SEC14L4: variants seen among roughly 807,000 people sequenced by gnomAD.
SEC14L4 encodes SEC14-like protein 4.
In SEC14L4, 42 loss-of-function variants were observed where a neutral mutation model predicts 55.1. That is an observed-to-expected ratio of 0.76 (90% CI 0.60 to 0.99). The LOEUF is 0.99. Among genes scored for constraint, SEC14L4 ranks in the 50% least tolerant of loss-of-function variants. The pLI, the probability that SEC14L4 is intolerant of heterozygous loss-of-function variation, is 0.00. For missense variants in SEC14L4, 445 were observed against 512.1 expected, an observed-to-expected ratio of 0.87 and a Z score of 1.27; for synonymous variants, 206 against 206.8, an observed-to-expected ratio of 1.00 and a Z score of 0.03.
At chr22:30,504,749 C>G (rs571840319) in intron 1 of SEC14L4, among the ~76,000 whole-genome samples, 1 of 152,294 alleles carries the variant, frequency 6.6e-6, no homozygotes, top group East Asian at 1.9e-4. Context: ...GAGGAGATCT[C>G]ACTTCCCTGG....
Position 30,494,981 on chromosome 22 carries a change from A to G in SEC14L4, c.424-20T>C, listed in dbSNP as rs772777290. On this transcript the variant is annotated intron_variant, in intron 5 of 11. Coordinates refer to ENST00000255858, the MANE Select transcript of SEC14L4 (RefSeq NM_174977.4). ...GCCCAGCTGCTTGGGACAGAGTCAT[A>G]TAGGTCAGACGACAGCTCCAGCCAG... 6.2e-7 allele frequency: 1 copy of G among 1,606,514 alleles called. No homozygotes were observed. The highest frequency in any genetic ancestry group is 1.1e-5 in the South Asian group (1 of 90,892).
At chr22:30,496,104 A>C in intron 2 of SEC14L4, 133 bp from the exon 3 acceptor site, 1 of 666,580 alleles carries the variant, frequency 1.5e-6, no homozygotes, top group Non-Finnish European at 2.6e-6. Context: ...AACATCTAGA[A>C]ATGGTTGTTT....
At chr22:30,492,758 T>C (rs1195067592) in intron 7 of SEC14L4, 7 of 566,464 alleles carry the variant, frequency 1.2e-5, no homozygotes, top group Non-Finnish European at 2.2e-5. Context: ...AATGTATGTA[T>C]AACACCTGGC....
intron 1 of SEC14L4, among the ~76,000 whole-genome samples, chr22:30,505,076 G>T (rs924932629): frequency 2.1e-5 from 3 of 144,458 alleles, no homozygotes; most frequent in African/African-American, 7.7e-5. Flanking sequence ...AGGTTGCAGT[G>T]AACCGAGATT....
intron 2 of SEC14L4, among the ~76,000 whole-genome samples, chr22:30,497,148 G>A (rs1466640871): frequency 6.6e-6 from 1 of 152,124 alleles, no homozygotes; most frequent in Non-Finnish European, 1.5e-5. Context: ...AGACCAGCCT[G>A]GGCAATATGG....
intron 2 of SEC14L4, among the ~76,000 whole-genome samples, chr22:30,498,152 CAG>C (rs1248480679): frequency 3.7e-5 from 4 of 107,636 alleles, no homozygotes; most frequent in Admixed American, 2.5e-4. Flanking sequence ...TTTTTTGAGA[CAG>C]AGTCTTACTC....
chr22:30,498,027 A>C (rs1936205283), intron 2 of SEC14L4, among the ~76,000 whole-genome samples: 1 of 151,900 alleles, frequency 6.6e-6, no homozygotes, highest in Non-Finnish European at 1.5e-5. Context: ...AGAGATTTTA[A>C]GATTTTTGCT....
At position 30,489,903 on chromosome 22, in the gene SEC14L4, G is replaced by C. The variant is rs370892503; in HGVS notation, c.*204C>G. On this transcript the variant is annotated 3_prime_UTR_variant, in exon 12 of 12. Transcript: ENST00000255858. Reference sequence around the variant, plus strand: ...TCTGGGAACAGGGAAAGAGGTTCCTGTCTGAATCTTCAGCATGGGCTATGC... The same window carrying C: ...TCTGGGAACAGGGAAAGAGGTTCCTCTCTGAATCTTCAGCATGGGCTATGC... 7.9e-5 allele frequency: 122 copies of C among 1,551,670 alleles called. No homozygotes were observed. The highest frequency in any genetic ancestry group is 9.9e-5 in the Non-Finnish European group (114 of 1,147,026).
At chr22:30,498,054 T>C (rs1055449478) in intron 2 of SEC14L4, among the ~76,000 whole-genome samples, 1 of 152,086 alleles carries the variant, frequency 6.6e-6, no homozygotes, top group Non-Finnish European at 1.5e-5. Context: ...GTCTTGTGTG[T>C]TCTAGGTTAA....
chr22:30,491,563 C>T lies in SEC14L4; in HGVS notation c.1081+10G>A. ...GGGAAAACAATTCCAGTAAACCCCG[C>T]AGCTCTTACAGACGCCAGCCTGGAG... On this transcript the variant is annotated intron_variant, in intron 11 of 11. Coordinates refer to ENST00000255858, the MANE Select transcript of SEC14L4 (RefSeq NM_174977.4). 6.2e-7 allele frequency: 1 copy of T among 1,614,074 alleles called. No homozygotes were observed. The highest frequency in any genetic ancestry group is 8.5e-7 in the Non-Finnish European group (1 of 1,179,960).
chr22:30,490,538 C>T (rs926869946), intron 11 of SEC14L4, among the ~76,000 whole-genome samples: 1 of 152,198 alleles, frequency 6.6e-6, no homozygotes. Context: ...AGGGAGCAGG[C>T]GGCCTGGGAA....
rs115140294 is a variant in SEC14L4 at position 30,496,392 on chromosome 22, G to A, written c.131-421C>T. 2.2e-3 allele frequency among the ~76,000 whole-genome samples: 333 copies of A among 152,178 alleles called. 2 individuals carry two copies. The highest frequency in any genetic ancestry group is 7.6e-3 in the African/African-American group (315 of 41,528). On this transcript the variant is annotated intron_variant, in intron 2 of 11. Coordinates refer to ENST00000255858, the MANE Select transcript of SEC14L4 (RefSeq NM_174977.4). ...TCCCACCTCAGCTTCCCAAAGTGTT[G>A]GAATTACAGGCGCGAGCCTCTGTGC...
In SEC14L4 at chr22:30,503,713, T is replaced by C; in HGVS notation, c.94A>G (p.Asn32Asp). Residue 32 changes from asparagine (N) to aspartate (D), a missense_variant, in exon 2 of 12, where the codon AAT (asparagine) becomes GAT (aspartate). Coordinates refer to ENST00000255858, the MANE Select transcript of SEC14L4 (RefSeq NM_174977.4). ...NLQDLLPILP[N>D]ADDYFLLRWL... ...CGCAGGAGGAAGTAGTCATCAGCATTGGGCAGTATGGGCAGCAGGTCCTGG... is the reference window on the plus strand; with the variant it reads ...CGCAGGAGGAAGTAGTCATCAGCATCGGGCAGTATGGGCAGCAGGTCCTGG... 1 of 1,612,458 alleles carries C rather than the reference T, an allele frequency of 6.2e-7. No homozygotes were observed. Among genetic ancestry groups the C allele is most frequent in the Non-Finnish European group, 8.5e-7 (1 of 1,178,964 alleles).
chr22:30,491,678 C>T lies in SEC14L4; in HGVS notation c.976G>A (p.Glu326Lys). 5.6e-6 allele frequency: 9 copies of T among 1,614,162 alleles called. No homozygotes were observed. The highest frequency in any genetic ancestry group is 7.6e-6 in the Non-Finnish European group (9 of 1,180,014). ...GTCATCTCCCTAGCACTCTGCTGCT[C>T]CCCCATCTTGGTCTTCAGGAAAACC... ...FGVFLKTKMG[E>K]QQSAREMTEV... Residue 326 changes from glutamate to lysine, a missense_variant, in exon 11 of 12, where the codon GAG becomes AAG. Glu to Lys is a moderately conservative substitution (Grantham distance 56, BLOSUM62 1). Coordinates refer to ENST00000255858, the MANE Select transcript of SEC14L4 (RefSeq NM_174977.4).
rs1314433897 is a variant in SEC14L4, at chr22:30,494,185, T to C, written c.545A>G (p.Tyr182Cys). The C allele has an allele frequency of 1.2e-6, 2 of 1,613,806 alleles. No individual in the cohort carries two copies. The highest frequency in any genetic ancestry group is 1.7e-5 in the Admixed American group (1 of 59,990). The change falls in exon 7 of 12, where the codon TAT becomes TGT. Residue 182 changes from tyrosine to cysteine, a missense_variant. By Grantham distance (194) the Tyr-to-Cys change is radical. Coordinates refer to ENST00000255858, the MANE Select transcript of SEC14L4 (RefSeq NM_174977.4). ...AATTAAATTCTTCAGGGTCTCAGGA[T>C]AATTTGCTTCCAGGATGCTAAAAAA... ...QQFFSILEANYPETLKNLIVI... is the reference protein window; with the variant it reads ...QQFFSILEANCPETLKNLIVI...
Position 30,491,975 on chromosome 22 carries a change from T to A in SEC14L4, c.772-2A>T. The A allele has an allele frequency of 6.2e-7, 1 of 1,613,942 alleles. No homozygotes were observed. Among genetic ancestry groups the A allele is most frequent in the Non-Finnish European group, 8.5e-7 (1 of 1,179,908 alleles). ...GGGCACCTCACCCCCATAGTTGATC[T>A]GTGGGTGAAGGGGGTGTGTGGGCAC... On this transcript the variant is annotated splice_acceptor_variant, in intron 9 of 11. Transcript: ENST00000255858. LOFTEE classifies it high-confidence loss of function.
Position 30,491,652 on chromosome 22 carries a change from C to T in SEC14L4, c.1002G>A (p.Thr334=), listed in dbSNP as rs747065781. 7.6e-5 allele frequency: 122 copies of T among 1,614,058 alleles called. No homozygotes were observed. Among genetic ancestry groups the T allele is most frequent in the South Asian group, 2.4e-4 (22 of 91,090 alleles). The change falls in exon 11 of 12, where the codon ACG becomes ACA. Residue 334 remains threonine (T), a synonymous_variant. Coordinates refer to ENST00000255858, the MANE Select transcript of SEC14L4 (RefSeq NM_174977.4). ...TGTAGCGCTGGCTGGGCAGCACCTC[C>T]GTCATCTCCCTAGCACTCTGCTGCT... is the stretch of plus-strand genomic sequence containing the variant. The part of the protein sequence containing the change: ...MGEQQSAREM[T]EVLPSQRYNA...
rs1043539462 is a variant in SEC14L4, at chr22:30,503,269, T to G, written c.130+408A>C. Among the ~76,000 whole-genome samples the G allele has an allele frequency of 5.4e-5, 7 of 129,746 alleles. No individual in the cohort carries two copies. The East Asian group carries it at 9.8e-4, about 18-fold the overall frequency. The allele number at this position is 129,746 out of a possible 152,430, so 85.1% of individuals were successfully genotyped here. The stretch of plus-strand genomic sequence containing the variant: ...AGACCCTGTGTTTTTTGTTTTTTTG[T>G]TTTTTTTTTTTTGAGACGGAGCTTC... On this transcript the variant is annotated intron_variant, in intron 2 of 11. Transcript: ENST00000255858.
At chr22:30,503,208 G>C (rs927564579) in intron 2 of SEC14L4, among the ~76,000 whole-genome samples, 1 of 152,192 alleles carries the variant, frequency 6.6e-6, no homozygotes, top group Non-Finnish European at 1.5e-5. Flanking sequence ...CTCATACACA[G>C]GGGAGCTCAG....
Sources: allele counts gnomAD v4.1 joint callset (sites outside exome capture counted in the v4.1 genomes callset), GRCh38; gene constraint gnomAD v4.1.1; transcripts MANE v1.5; gene names NCBI Gene and HGNC (gene_info 2026-07-23, HGNC 2026-07-21).